VPS50: variants seen among roughly 807,000 people sequenced by gnomAD.
VPS50 encodes VPS50 subunit of EARP/GARPII complex.
Under a neutral mutation model 139.7 loss-of-function variants are expected in VPS50, and 70 were observed. That is an observed-to-expected ratio of 0.50 (90% CI 0.41 to 0.61). The LOEUF (loss-of-function observed/expected upper bound fraction) is 0.61. Ranked by LOEUF, VPS50 falls within the 20% of genes least tolerant of loss-of-function variation. The pLI, the probability that VPS50 is intolerant of heterozygous loss-of-function variation, is 0.00. For missense variants in VPS50, 921 were observed against 1,133.7 expected, an observed-to-expected ratio of 0.81 and a Z score of 2.69; for synonymous variants, 365 against 376.7, an observed-to-expected ratio of 0.97 and a Z score of 0.36.
intron 18 of VPS50, 117 bp downstream of exon 18, chr7:93,306,121 T>G (rs1315214839): frequency 2.9e-6 from 2 of 694,938 alleles, no homozygotes; most frequent in Admixed American, 4.9e-5. Flanking sequence ...CCTGCCTGTA[T>G]ACTTAATGTA....
chr7:93,345,757 G>A (rs1434352233), intron 23 of VPS50, among the ~76,000 whole-genome samples: 3 of 152,152 alleles, frequency 2.0e-5, no homozygotes, highest in South Asian at 2.1e-4. Context: ...TGCAGAAAAG[G>A]CCTTTGACAA....
At chr7:93,327,826 C>T (rs183601478) in intron 21 of VPS50, among the ~76,000 whole-genome samples, 16 of 152,008 alleles carry the variant, frequency 1.1e-4, no homozygotes, top group East Asian at 9.7e-4. Flanking sequence ...TTAGTGGTAC[C>T]GGGGAGGGGG....
chr7:93,281,282 T>A (rs1268281489), intron 12 of VPS50, among the ~76,000 whole-genome samples: 4 of 152,204 alleles, frequency 2.6e-5, no homozygotes, highest in Non-Finnish European at 5.9e-5. Flanking sequence ...ATCATGTCGA[T>A]TTTTTGGGAG....
intron 23 of VPS50, among the ~76,000 whole-genome samples, chr7:93,341,940 C>G (rs1010178589): frequency 6.6e-6 from 1 of 152,140 alleles, no homozygotes; most frequent in African/African-American, 2.4e-5. Flanking sequence ...ATAGTTGATC[C>G]TTGACATCAA....
intron 14 of VPS50, among the ~76,000 whole-genome samples, chr7:93,296,158 A>T (rs1796803658): frequency 6.6e-6 from 1 of 152,142 alleles, no homozygotes; most frequent in South Asian, 2.1e-4. Flanking sequence ...TTTGTATTCG[A>T]TATGCTATTT....
chr7:93,345,206 C>T (rs1222796743), intron 23 of VPS50, among the ~76,000 whole-genome samples: 13 of 152,270 alleles, frequency 8.5e-5, no homozygotes, highest in Admixed American at 2.0e-4. Context: ...AACACCTCTA[C>T]GCAAATAAAC....
intron 23 of VPS50, among the ~76,000 whole-genome samples, chr7:93,345,527 AAG>A: frequency 1.3e-5 from 2 of 152,326 alleles, no homozygotes; most frequent in South Asian, 4.2e-4. Context: ...ACAACCAAAA[AAG>A]AGAATTTTAG....
chr7:93,271,424 T>C (rs549435133), intron 10 of VPS50, among the ~76,000 whole-genome samples, 162 bp downstream of exon 10: 6 of 151,936 alleles, frequency 3.9e-5, no homozygotes, highest in Admixed American at 3.9e-4. Context: ...GTCAAGTTAG[T>C]GTAAAAATTT....
rs1201046443 is a variant in VPS50, at chr7:93,359,710, G to A, written c.*1274G>A. ...AGGCCTTGGGTCTTATGAGTCTTCT[G>A]GGACCTAAGGTGATAAAATGGATGG... On this transcript the variant is annotated 3_prime_UTR_variant, in exon 28 of 28. Transcript: ENST00000305866. 1 of 152,084 alleles carries A rather than the reference G, an allele frequency of 6.6e-6. No homozygotes were observed. Among genetic ancestry groups the A allele is most frequent in the Non-Finnish European group, 1.5e-5 (1 of 68,012 alleles). The allele number at this position is 152,084 out of a possible 1,614,324, so 9.4% of individuals were successfully genotyped here.
chr7:93,281,970 T>C (rs1349432022), intron 12 of VPS50, among the ~76,000 whole-genome samples: 5 of 152,142 alleles, frequency 3.3e-5, no homozygotes, highest in Non-Finnish European at 5.9e-5. Context: ...TTTGGGAGGC[T>C]GAGGCGGGTG....
In VPS50 at chr7:93,258,367, A is replaced by G; in HGVS notation, c.551A>G (p.Asp184Gly). Residue 184 changes from aspartate to glycine, a missense_variant, in exon 8 of 28, where the codon GAT (aspartate) becomes GGT (glycine). Physicochemically the swap from Asp to Gly is moderately conservative, Grantham distance 94. Coordinates refer to ENST00000305866, the MANE Select transcript of VPS50 (RefSeq NM_017667.4). ...LRTIKTLQRT[D>G]VRLSEMLEEE... ...TTTTTGTTTTTTCAGCAAAGAACAG[A>G]TGTACGGTTAAGTGAAATGCTGGAG... 6.2e-7 allele frequency: 1 copy of G among 1,613,140 alleles called. No individual in the cohort carries two copies. The highest frequency in any genetic ancestry group is 1.1e-5 in the South Asian group (1 of 91,038).
intron 21 of VPS50, among the ~76,000 whole-genome samples, chr7:93,330,761 CAAAAAA>C (rs57338525): frequency 1.2e-5 from 1 of 83,706 alleles, no homozygotes; most frequent in Non-Finnish European, 2.1e-5. Context: ...GACCCTGTCT[CAAAAAA>C]AAAAAAAAAA....
intron 13 of VPS50, among the ~76,000 whole-genome samples, chr7:93,293,708 T>G (rs1490596294): frequency 6.6e-6 from 1 of 152,174 alleles, no homozygotes; most frequent in East Asian, 1.9e-4. Flanking sequence ...TACTTTAACG[T>G]TCTAAGGTAA....
chr7:93,339,840 A>G (rs939834887), intron 22 of VPS50, among the ~76,000 whole-genome samples: 6 of 152,212 alleles, frequency 3.9e-5, no homozygotes, highest in African/African-American at 1.4e-4. Flanking sequence ...AAAAGATAAT[A>G]GCATTTTTGT....
intron 27 of VPS50, among the ~76,000 whole-genome samples, chr7:93,357,791 C>T (rs994981731): frequency 2.0e-5 from 3 of 152,162 alleles, no homozygotes; most frequent in South Asian, 2.1e-4. Flanking sequence ...GAAAGATACT[C>T]GTAGTCTTAA....
intron 16 of VPS50, among the ~76,000 whole-genome samples, chr7:93,300,241 C>A (rs937877151): frequency 2.0e-5 from 3 of 152,040 alleles, no homozygotes; most frequent in Non-Finnish European, 2.9e-5. Context: ...AATCTCCAGG[C>A]CTGCTGATGT....
intron 26 of VPS50, among the ~76,000 whole-genome samples, chr7:93,355,160 G>A (rs891812894): frequency 2.0e-5 from 3 of 147,072 alleles, no homozygotes; most frequent in Non-Finnish European, 4.5e-5. Context: ...AATAAAATAA[G>A]CTTTTATTTT....
At chr7:93,286,747 G>A (rs956266163) in intron 12 of VPS50, among the ~76,000 whole-genome samples, 4 of 151,936 alleles carry the variant, frequency 2.6e-5, no homozygotes, top group African/African-American at 4.8e-5. Flanking sequence ...TCATGTCTTT[G>A]TAATAAAATT....
intron 9 of VPS50, among the ~76,000 whole-genome samples, chr7:93,261,973 G>A (rs1360747908): frequency 6.6e-6 from 1 of 152,200 alleles, no homozygotes; most frequent in African/African-American, 2.4e-5. Flanking sequence ...AGATTTGGTG[G>A]GAGTTGGTTG....
Sources: allele counts gnomAD v4.1 joint callset (sites outside exome capture counted in the v4.1 genomes callset), GRCh38; gene constraint gnomAD v4.1.1; transcripts MANE v1.5; gene names NCBI Gene and HGNC (gene_info 2026-07-23, HGNC 2026-07-21).